The following RGPD1 variants were observed in gnomAD, a reference collection of about 807,000 sequenced individuals.
The protein encoded by RGPD1 is RANBP2-like and GRIP domain-containing protein 1.
RGPD1 carries 7 observed loss-of-function variants against 40.6 expected under a neutral mutation model. The ratio of observed to expected loss-of-function variants is 0.17; its 90% CI spans 0.10 to 0.32. The LOEUF is 0.32. RGPD1 is among the 10% of genes least tolerant of loss of function. The pLI is 1.00. For missense variants in RGPD1, 50 were observed against 472.5 expected, an observed-to-expected ratio of 0.11 and a Z score of 8.29; for synonymous variants, 24 against 167.0, an observed-to-expected ratio of 0.14 and a Z score of 6.60.
chr2:86,955,937 T>C (rs1400088081), intron 4 of RGPD1, among the ~76,000 whole-genome samples: 1 of 150,622 alleles, frequency 6.6e-6, no homozygotes, highest in Non-Finnish European at 1.5e-5. Flanking sequence ...TCTTGCAGTG[T>C]AACAAGTAAG....
chr2:86,933,401 C>T (rs1679119678), intron 1 of RGPD1, among the ~76,000 whole-genome samples: 1 of 150,270 alleles, frequency 6.7e-6, no homozygotes, highest in Non-Finnish European at 1.5e-5. Flanking sequence ...ATAAATAATA[C>T]TGGTATGACA....
At chr2:86,925,748 G>A (rs989271547) in intron 1 of RGPD1, among the ~76,000 whole-genome samples, 5 of 151,558 alleles carry the variant, frequency 3.3e-5, no homozygotes, top group African/African-American at 7.3e-5. Flanking sequence ...TTTTTTTCTC[G>A]TTTAAAGAAA....
chr2:87,007,364 C>CT (rs1364653024), intron 22 of RGPD1, among the ~76,000 whole-genome samples: 1 of 150,672 alleles, frequency 6.6e-6, no homozygotes, highest in Non-Finnish European at 1.5e-5. Flanking sequence ...CCACGCCCGT[C>CT]TAATTTTTTT....
intron 1 of RGPD1, among the ~76,000 whole-genome samples, chr2:86,915,450 A>G (rs1480414021): frequency 1.5e-5 from 2 of 133,650 alleles, no homozygotes; most frequent in Non-Finnish European, 3.2e-5. Flanking sequence ...TAGAAGTATG[A>G]TAAGCCTAAG....
Position 86,942,245 on chromosome 2 carries a change from C to T in RGPD1, c.9C>T (p.Arg3=). The T allele has an allele frequency of 2.5e-6, 4 of 1,606,248 alleles. No homozygotes were observed. The highest frequency in any genetic ancestry group is 2.3e-4 in the Middle Eastern group (1 of 4,424). Residue 3 remains arginine (R), a synonymous_variant, in exon 1 of 23, where the codon CGC becomes CGT. Coordinates refer to ENST00000641458, the MANE Select transcript of RGPD1 (RefSeq NM_001382344.1). MR[R]SKAYGERYVA... ...GCCAGGTTGGCGGTGCGATGAGGCG[C>T]AGCAAGGCCTACGGGGAGCGGTACG...
At chr2:86,918,081 A>G (rs1677842543) in intron 1 of RGPD1, among the ~76,000 whole-genome samples, 9 of 149,756 alleles carry the variant, frequency 6.0e-5, no homozygotes, top group Admixed American at 6.0e-4. Flanking sequence ...TTTTCTGAAG[A>G]TAAGATTGTC....
chr2:86,922,869 T>C (rs1678128578), intron 1 of RGPD1, among the ~76,000 whole-genome samples: 1 of 127,196 alleles, frequency 7.9e-6, no homozygotes, highest in East Asian at 2.1e-4. Context: ...TCTATGGTCT[T>C]TAATGATTAT....
rs1164986573 is a variant in RGPD1 at position 86,933,350 on chromosome 2, C to T, written c.73-17946C>T. Among the ~76,000 whole-genome samples the T allele has an allele frequency of 2.0e-5, 3 of 150,066 alleles. No homozygotes were observed. In the East Asian group the frequency reaches 6.0e-4, roughly 30 times the overall value. On this transcript the variant is annotated intron_variant, in intron 1 of 22. Coordinates refer to the RGPD1 transcript ENST00000398193. ...AAAAAAACTTCATGGTATAAAACAA[C>T]TAAAAATTAAATATAGTCTTTAGAA...
chr2:86,930,604 T>G, intron 1 of RGPD1: 6 of 1,611,478 alleles, frequency 3.7e-6, no homozygotes, highest in Non-Finnish European at 4.2e-6. Context: ...TAGTAGTAGG[T>G]GCAGCAGCCA....
At chr2:86,919,493 G>T (rs1457923594) in intron 1 of RGPD1, among the ~76,000 whole-genome samples, 1 of 115,640 alleles carries the variant, frequency 8.6e-6, no homozygotes, top group Non-Finnish European at 1.7e-5. Context: ...CCTAGCCCTT[G>T]CTCACCTTCC....
chr2:86,917,627 T>C, intron 1 of RGPD1: 2 of 64,568 alleles, frequency 3.1e-5, no homozygotes, highest in South Asian at 9.1e-5. Flanking sequence ...TTGTGACTTG[T>C]CTCATGAACG....
chr2:86,945,013 G>A (rs1259802384), intron 1 of RGPD1, among the ~76,000 whole-genome samples: 2 of 136,492 alleles, frequency 1.5e-5, no homozygotes, highest in Non-Finnish European at 3.2e-5. Flanking sequence ...ACTCTGCTCA[G>A]CCTGATTTTT....
intron 1 of RGPD1, among the ~76,000 whole-genome samples, chr2:86,923,519 G>GTT (rs781467890): frequency 5.6e-5 from 8 of 144,024 alleles, no homozygotes; most frequent in South Asian, 2.2e-4. Context: ...TCCTTGTGCG[G>GTT]TTTTTTTTTT....
rs1258299573 is a variant in RGPD1, at chr2:86,923,371, T to A, written c.72+9450T>A. Among the ~76,000 whole-genome samples, 10 of 151,720 alleles carry A rather than the reference T, an allele frequency of 6.6e-5. No homozygotes were observed. The South Asian group carries it at 1.9e-3, about 28-fold the overall frequency. On this transcript the variant is annotated intron_variant, in intron 1 of 22. Transcript: ENST00000398193. ...GTGTTATTCTTAAGTGGTCCAAATA[T>A]GTTTTTTTAAATTGTGGTGTAATTT...
chr2:86,943,317 C>CT (rs1680063732), intron 1 of RGPD1, among the ~76,000 whole-genome samples: 1 of 125,546 alleles, frequency 8.0e-6, no homozygotes, highest in African/African-American at 3.0e-5. Context: ...GCTGCCTTTG[C>CT]TTAAAAAAAA....
At chr2:86,931,671 T>C (rs2104713959) in intron 1 of RGPD1, among the ~76,000 whole-genome samples, 1 of 152,028 alleles carries the variant, frequency 6.6e-6, no homozygotes, top group Non-Finnish European at 1.5e-5. Flanking sequence ...TAATACATTT[T>C]CATAAATCAT....
At chr2:86,918,682 A>G (rs568142786) in intron 1 of RGPD1, among the ~76,000 whole-genome samples, 2 of 146,624 alleles carry the variant, frequency 1.4e-5, no homozygotes, top group African/African-American at 2.6e-5. Flanking sequence ...GATGGTCTCG[A>G]TCTCCTGACC....
At chr2:86,933,484 G>T (rs1340172913) in intron 1 of RGPD1, among the ~76,000 whole-genome samples, 4 of 144,814 alleles carry the variant, frequency 2.8e-5, no homozygotes, top group Admixed American at 1.4e-4. Flanking sequence ...TTTTATAATT[G>T]TCATCTGAAA....
intron 1 of RGPD1, among the ~76,000 whole-genome samples, chr2:86,949,219 C>T (rs1286325927): frequency 6.6e-6 from 1 of 152,292 alleles, no homozygotes; most frequent in Non-Finnish European, 1.5e-5. Flanking sequence ...TATGTGCTCC[C>T]CACCCGCTAG....
Sources: allele counts gnomAD v4.1 joint callset (sites outside exome capture counted in the v4.1 genomes callset), GRCh38; gene constraint gnomAD v4.1.1; transcripts MANE v1.5; gene names NCBI Gene and HGNC (gene_info 2026-07-23, HGNC 2026-07-21).